Variants in TMEM132C observed in about 807,000 individuals in gnomAD.
TMEM132C encodes the protein protein phosphatase 1, regulatory subunit 152.
A neutral mutation model predicts 61.4 loss-of-function variants in TMEM132C; 29 were observed. That is an observed-to-expected ratio of 0.47 (90% confidence interval 0.35 to 0.64). TMEM132C has a LOEUF of 0.64. Among genes scored for constraint, TMEM132C ranks in the 30% least tolerant of loss-of-function variants. TMEM132C has a pLI of 0.00. For missense variants in TMEM132C, 1,408 were observed against 1,476.9 expected (o/e 0.95, Z 0.76); for synonymous variants, 656 against 633.1 (o/e 1.04, Z -0.54).
intron 1 of TMEM132C, among the ~76,000 whole-genome samples, chr12:128,292,114 T>G (rs1382605729): frequency 6.6e-6 from 1 of 152,224 alleles, no homozygotes; most frequent in African/African-American, 2.4e-5. Context: ...CGTAATCAAT[T>G]CCTATGTTTA....
At chr12:128,390,718 C>G (rs1444082767) in intron 1 of TMEM132C, among the ~76,000 whole-genome samples, 10 of 152,166 alleles carry the variant, frequency 6.6e-5, no homozygotes, top group Non-Finnish European at 1.3e-4. Flanking sequence ...AATCTGATTT[C>G]TGATGTATAA....
rs201012004 is a variant in TMEM132C, at chr12:128,278,745, C to CGTGT, written c.85+11259_85+11262dup. ...ATATTTGTGCAGACTTGATTCTATACGTGTATGTGTGTGTGTGTGTGTGTG... is the reference window on the plus strand; with the variant it reads ...ATATTTGTGCAGACTTGATTCTATACGTGTGTGTATGTGTGTGTGTGTGTGTGTG... On this transcript the variant is annotated intron_variant, in intron 1 of 8. Coordinates refer to ENST00000435159, the MANE Select transcript of TMEM132C (RefSeq NM_001136103.3). This position sits in a 1 kb window ranked among gnomAD's most constrained non-coding sequence, Gnocchi z 4.2. Among the ~76,000 whole-genome samples, 2,314 of 135,620 alleles carry CGTGT rather than the reference C, an allele frequency of 0.017. 41 individuals are homozygous for CGTGT. Among genetic ancestry groups the CGTGT allele is most frequent in the Middle Eastern group, 0.04 (11 of 278 alleles). The allele number at this position is 135,620 out of a possible 152,430, so 89.0% of individuals were successfully genotyped here.
chr12:128,427,092 G>C (rs1869211473), intron 2 of TMEM132C, among the ~76,000 whole-genome samples: 1 of 152,172 alleles, frequency 6.6e-6, no homozygotes, highest in South Asian at 2.1e-4. Flanking sequence ...GGCATCTTTA[G>C]AGTCCCGTCT....
intron 2 of TMEM132C, among the ~76,000 whole-genome samples, chr12:128,453,869 C>T (rs1285144369): frequency 3.3e-5 from 5 of 152,038 alleles, no homozygotes; most frequent in East Asian, 1.9e-4. Flanking sequence ...AGGTTTTGTA[C>T]GACAAGCCTC....
chr12:128,296,460 G>C (rs1366440935), intron 1 of TMEM132C, among the ~76,000 whole-genome samples: 1 of 152,100 alleles, frequency 6.6e-6, no homozygotes, highest in Non-Finnish European at 1.5e-5. Context: ...TGGTATTTAG[G>C]GTACACAGTT....
chr12:128,419,820 A>G (rs1343449866), intron 2 of TMEM132C, among the ~76,000 whole-genome samples: 2 of 152,140 alleles, frequency 1.3e-5, no homozygotes, highest in African/African-American at 2.4e-5. Flanking sequence ...TTTGCCAGGC[A>G]TTGTTCTACA....
At chr12:128,700,963 G>A (rs904347757) in intron 8 of TMEM132C, among the ~76,000 whole-genome samples, 10 of 152,180 alleles carry the variant, frequency 6.6e-5, no homozygotes, top group Admixed American at 1.3e-4. Flanking sequence ...GAAGTCGGGG[G>A]TGATGGAAGG....
intron 1 of TMEM132C, among the ~76,000 whole-genome samples, chr12:128,377,442 A>G (rs930997160): frequency 6.6e-6 from 1 of 152,172 alleles, no homozygotes; most frequent in Non-Finnish European, 1.5e-5. Flanking sequence ...TTGGGATTCT[A>G]TTGCACCACT....
chr12:128,338,932 C>T (rs767832539), intron 1 of TMEM132C, among the ~76,000 whole-genome samples: 10 of 151,872 alleles, frequency 6.6e-5, no homozygotes, highest in African/African-American at 1.5e-4. Flanking sequence ...TTTGTAAAGA[C>T]GTTGGGTTGG....
intron 1 of TMEM132C, among the ~76,000 whole-genome samples, chr12:128,271,638 C>T (rs956062499): frequency 6.6e-6 from 1 of 152,160 alleles, no homozygotes; most frequent in Non-Finnish European, 1.5e-5. Context: ...GCAGGGGTGT[C>T]CTCCTCTGGA....
intron 1 of TMEM132C, among the ~76,000 whole-genome samples, chr12:128,392,894 G>A (rs138854670): frequency 1.1e-4 from 16 of 152,278 alleles, no homozygotes; most frequent in Non-Finnish European, 1.9e-4. Flanking sequence ...CGGCCTGCAG[G>A]CCGTGGGTTG....
At chr12:128,644,761 G>C (rs1045290808) in intron 4 of TMEM132C, among the ~76,000 whole-genome samples, 2 of 152,144 alleles carry the variant, frequency 1.3e-5, no homozygotes, top group Non-Finnish European at 2.9e-5. Context: ...CCCCTCAGTA[G>C]GGCTCTGGAG....
Position 128,415,291 on chromosome 12 carries a change from G to A in TMEM132C, c.645G>A (p.Lys215=). Reference sequence around the variant, plus strand: ...CCCCGACGGTGGGTGCCGGGAGGAAGAAGTCCATGGACCAGCCGGAGGGGA... The same window carrying A: ...CCCCGACGGTGGGTGCCGGGAGGAAAAAGTCCATGGACCAGCCGGAGGGGA... ...FSAPTVGAGR[K]KSMDQPEGTP... is the part of the protein sequence containing the mutation. Residue 215 remains lysine (K), a synonymous_variant, in exon 2 of 9, where the codon AAG becomes AAA. Transcript: ENST00000435159. The surrounding 1 kb of genome is among the most constrained non-coding windows in gnomAD (Gnocchi z 5.8). The A allele has an allele frequency of 8.1e-6, 13 of 1,597,258 alleles. No homozygotes were observed. Among genetic ancestry groups the A allele is most frequent in the Non-Finnish European group, 1.1e-5 (13 of 1,171,748 alleles).
chr12:128,298,536 C>T (rs1401227408), intron 1 of TMEM132C, among the ~76,000 whole-genome samples: 1 of 152,204 alleles, frequency 6.6e-6, no homozygotes, highest in Non-Finnish European at 1.5e-5. Flanking sequence ...GTACGTACGA[C>T]TCACAGCCAG....
At chr12:128,654,518 A>G (rs1954304662) in intron 4 of TMEM132C, among the ~76,000 whole-genome samples, 1 of 152,220 alleles carries the variant, frequency 6.6e-6, no homozygotes, top group African/African-American at 2.4e-5. Flanking sequence ...TAACAGAGGC[A>G]TACACATCAA....
chr12:128,438,744 C>G (rs1462704836), intron 2 of TMEM132C: 1 of 152,084 alleles, frequency 6.6e-6, no homozygotes, highest in African/African-American at 2.4e-5. Context: ...AATCTCATAC[C>G]CTAAGTAGTT....
At chr12:128,436,507 A>G (rs1397755768) in intron 2 of TMEM132C, among the ~76,000 whole-genome samples, 6 of 152,248 alleles carry the variant, frequency 3.9e-5, no homozygotes, top group Non-Finnish European at 7.3e-5. Flanking sequence ...ACACTTCTCA[A>G]AAGAAGACAT....
chr12:128,689,663 CAG>C (rs1218650998), intron 5 of TMEM132C, among the ~76,000 whole-genome samples: 1 of 152,056 alleles, frequency 6.6e-6, no homozygotes, highest in African/African-American at 2.4e-5. Flanking sequence ...GGTGGATATC[CAG>C]AGACAGGAGT....
intron 2 of TMEM132C, among the ~76,000 whole-genome samples, chr12:128,501,893 A>G (rs1872194412): frequency 6.6e-6 from 1 of 152,192 alleles, no homozygotes. Flanking sequence ...TGTCTGTAAC[A>G]CTTTGACATC....
Sources: gnomAD v4.1 joint callset for allele counts (sites outside exome capture counted in the v4.1 genomes callset) on GRCh38, gnomAD v4.1.1 for gene constraint, Gnocchi (gnomAD v3.1) non-coding constraint, MANE v1.5 for transcripts, NCBI Gene and HGNC (gene_info 2026-07-23, HGNC 2026-07-21) for gene names.